Variants in HEATR9 observed in about 807,000 individuals in gnomAD.
The protein encoded by HEATR9 is protein HEATR9.
In HEATR9, 54 loss-of-function variants were observed where a neutral mutation model predicts 68.2. That is an observed-to-expected ratio of 0.79 (90% CI 0.64 to 0.99). HEATR9 has a LOEUF of 0.99. Ranked by LOEUF, HEATR9 falls within the 50% of genes least tolerant of loss-of-function variation. The pLI, the probability that HEATR9 is intolerant of heterozygous loss-of-function variation, is 0.00. For synonymous variants in HEATR9, 241 were observed against 253.5 expected (o/e 0.95, Z 0.47); for missense variants, 662 against 679.7 (o/e 0.97, Z 0.29).
At chr17:35,864,583 A>C (rs200572920) in intron 4 of HEATR9, 30 bp from the exon 5 acceptor site, 55 of 1,601,208 alleles carry the variant, frequency 3.4e-5, no homozygotes, top group Non-Finnish European at 4.5e-5. Context: ...AGTGGAAAGG[A>C]AGACAGAGAA....
At chr17:35,867,672 T>C (rs2088258219) in intron 1 of HEATR9, among the ~76,000 whole-genome samples, 1 of 151,912 alleles carries the variant, frequency 6.6e-6, no homozygotes, top group South Asian at 2.1e-4. Flanking sequence ...AAAAATCACT[T>C]GGAGAGTTTG....
At chr17:35,867,657 A>G (rs1323246277) in intron 1 of HEATR9, among the ~76,000 whole-genome samples, 1 of 150,390 alleles carries the variant, frequency 6.6e-6, no homozygotes, top group Admixed American at 6.6e-5. Flanking sequence ...CTCAATTAGG[A>G]AAAAAAAAAT....
At chr17:35,859,151 C>G in intron 8 of HEATR9, 81 bp from the exon 9 acceptor site, 2 of 1,223,932 alleles carry the variant, frequency 1.6e-6, no homozygotes, top group Non-Finnish European at 2.3e-6. Context: ...TATTCACCTT[C>G]CTCCCTAAAA....
chr17:35,857,407 A>C (rs2087810976), intron 11 of HEATR9, among the ~76,000 whole-genome samples: 1 of 152,208 alleles, frequency 6.6e-6, no homozygotes, highest in African/African-American at 2.4e-5. Context: ...GAGCCAATAG[A>C]AAGTTTTATG....
At chr17:35,859,114 T>C (rs747786748) in intron 8 of HEATR9, 44 bp from the exon 9 acceptor site, 1 of 1,543,802 alleles carries the variant, frequency 6.5e-7, no homozygotes, top group Non-Finnish European at 8.9e-7. Context: ...CTATGTACTT[T>C]ATGCCAGGCT....
rs757431805 is a variant in HEATR9, at chr17:35,858,480, CTG to C, written c.983_984del (p.Pro328ArgfsTer16). On this transcript the variant is annotated frameshift_variant, in exon 10 of 15. Transcript: ENST00000604834. LOFTEE classifies it high-confidence loss of function. ...AGCTGGTCTAGGATGGCCTTGATGA[CTG>C]GGGCTGAGTGCACGTGCATCACCTT... Reference protein sequence around the residue: ...LVKVMHVHSAPVIKAILDQLC... With the variant: ...LVKVMHVHSAXVIKAILDQLC... 1.4e-5 allele frequency: 23 copies of C among 1,614,082 alleles called. No homozygotes were observed. In the South Asian group the frequency reaches 2.0e-4, roughly 14 times the overall value.
At position 35,855,375 on chromosome 17, in the gene HEATR9, A is replaced by T; in HGVS notation, c.1401T>A (p.Asp467Glu). The part of the protein sequence containing the change: ...QETLILCASI[D>E]PWIQNKLKNK... ...TTTTCAGCTTGTTTTGGATCCAGGGATCAATTGAGGCACAAAGGATTAATG... is the reference window on the plus strand; with the variant it reads ...TTTTCAGCTTGTTTTGGATCCAGGGTTCAATTGAGGCACAAAGGATTAATG... Residue 467 changes from aspartate (D) to glutamate (E), a missense_variant, in exon 15 of 15, where the codon GAT (aspartate) becomes GAA (glutamate). Asp to Glu is a conservative substitution (Grantham distance 45). Coordinates refer to ENST00000604834, the MANE Select transcript of HEATR9 (RefSeq NM_152781.4). 1 of 1,613,912 alleles carries T rather than the reference A, an allele frequency of 6.2e-7. No homozygotes were observed. Among genetic ancestry groups the T allele is most frequent in the Non-Finnish European group, 8.5e-7 (1 of 1,179,926 alleles).
chr17:35,864,686 G>T, intron 4 of HEATR9, 72 bp downstream of exon 4: 2 of 1,603,530 alleles, frequency 1.2e-6, no homozygotes, highest in Non-Finnish European at 1.7e-6. Flanking sequence ...AGGGCTGAAG[G>T]ATGGTGTGAG....
chr17:35,865,223 ATC>A lies in HEATR9; in HGVS notation c.310_311del (p.Asp104Ter). 6.2e-7 allele frequency: 1 copy of A among 1,613,612 alleles called. No homozygotes were observed. The highest frequency in any genetic ancestry group is 8.5e-7 in the Non-Finnish European group (1 of 1,179,710). ...EAEKMLRKMR[D>X]DCRYIKEVHQ... ...AGGCCAGCAAAACACACCTACAGTC[ATC>A]TCTCATTTTCCTCAACATCTTCTCA... is the stretch of plus-strand genomic sequence containing the variant. On this transcript the variant is annotated frameshift_variant, in exon 3 of 15. Coordinates refer to ENST00000604834, the MANE Select transcript of HEATR9 (RefSeq NM_152781.4). LOFTEE classifies it high-confidence loss of function.
intron 3 of HEATR9, 101 bp downstream of exon 3, chr17:35,865,114 G>A (rs1312971566): frequency 1.4e-6 from 2 of 1,413,800 alleles, no homozygotes; most frequent in Non-Finnish European, 2.0e-6. Context: ...GGGACCTGTA[G>A]GCTGACTTGC....
intron 8 of HEATR9, among the ~76,000 whole-genome samples, chr17:35,862,372 G>A (rs1173422025): frequency 6.6e-6 from 1 of 152,102 alleles, no homozygotes; most frequent in Non-Finnish European, 1.5e-5. Context: ...TTTACATAGA[G>A]CAATGATGGG....
chr17:35,863,845 A>G, intron 6 of HEATR9: 1 of 567,588 alleles, frequency 1.8e-6, no homozygotes, highest in East Asian at 2.9e-5. Flanking sequence ...TTAGAGAAAT[A>G]CAGATACTAA....
Position 35,863,960 on chromosome 17 carries a change from A to G in HEATR9, c.567+286T>C, listed in dbSNP as rs1598600256. ...TATGCGGTGTTTCCAGTAAAGGCAG[A>G]GAATGTACTCTGTTCTGGCTTTCAG... On this transcript the variant is annotated intron_variant, in intron 6 of 14. Coordinates refer to ENST00000604834, the MANE Select transcript of HEATR9 (RefSeq NM_152781.4). 1.3e-5 allele frequency: 7 copies of G among 544,664 alleles called. No homozygotes were observed. In the East Asian group the frequency reaches 1.8e-4, roughly 14 times the overall value. 33.7% of individuals were successfully genotyped at this position (544,664 alleles called of 1,614,324 possible).
intron 8 of HEATR9, among the ~76,000 whole-genome samples, chr17:35,859,971 C>T (rs2087918382): frequency 1.3e-5 from 2 of 152,190 alleles, no homozygotes. Context: ...GTCCAGCTTC[C>T]AACACTTGCA....
rs181480094 is a variant in HEATR9, at chr17:35,865,949, C to T, written c.139-553G>A. Among the ~76,000 whole-genome samples the T allele has an allele frequency of 5.4e-4, 82 of 152,352 alleles. No homozygotes were observed. In the South Asian group the frequency reaches 5.6e-3, roughly 10 times the overall value. ...ACAGTTTAGCAGGGAAACAGACTTT[C>T]TTAAAATAATCTATCACTTAAACAA... On this transcript the variant is annotated intron_variant, in intron 2 of 14. Transcript: ENST00000604834.
At position 35,866,718 on chromosome 17, in the gene HEATR9, T is replaced by C; in HGVS notation, c.138+6A>G. 6.2e-7 allele frequency: 1 copy of C among 1,613,422 alleles called. No individual in the cohort carries two copies. Among genetic ancestry groups the C allele is most frequent in the Non-Finnish European group, 8.5e-7 (1 of 1,179,474 alleles). On this transcript the variant is annotated splice_donor_region_variant and intron_variant, in intron 2 of 14. Coordinates refer to ENST00000604834, the MANE Select transcript of HEATR9 (RefSeq NM_152781.4). ...CTCCCAGGGTAGCAAAAGTAAGGGG[T>C]CTTACCTGGTAGCAGGACAAGGGCA...
In HEATR9 at chr17:35,867,973, G is replaced by C. The variant is rs566739857; in HGVS notation, c.88+682C>G. Reference sequence around the variant, plus strand: ...TTTTTGTATTTTTAGTAGAGATGGGGTTTCACCATCTTGGCCAGGCTGGTC... The same window carrying C: ...TTTTTGTATTTTTAGTAGAGATGGGCTTTCACCATCTTGGCCAGGCTGGTC... On this transcript the variant is annotated intron_variant, in intron 1 of 14. Transcript: ENST00000604834. Among the ~76,000 whole-genome samples, 14 of 152,234 alleles carry C rather than the reference G, an allele frequency of 9.2e-5. No homozygotes were observed. In the East Asian group the frequency reaches 2.7e-3, roughly 29 times the overall value.
chr17:35,855,601 G>T, intron 14 of HEATR9, 63 bp downstream of exon 14: 1 of 1,488,630 alleles, frequency 6.7e-7, no homozygotes, highest in Non-Finnish European at 9.4e-7. Flanking sequence ...TGGTGAGATA[G>T]GTGGGAGAAG....
At chr17:35,858,346 G>T in intron 10 of HEATR9, 27 bp from the exon 11 acceptor site, 1 of 1,614,162 alleles carries the variant, frequency 6.2e-7, no homozygotes, top group South Asian at 1.1e-5. Context: ...GGGTTAGTGG[G>T]GAGGTGTGAA....
Sources: gnomAD v4.1 joint callset for allele counts (sites outside exome capture counted in the v4.1 genomes callset) on GRCh38, gnomAD v4.1.1 for gene constraint, MANE v1.5 for transcripts, NCBI Gene and HGNC (gene_info 2026-07-23, HGNC 2026-07-21) for gene names.